The following DCC variants were observed in gnomAD, a reference collection of about 807,000 sequenced individuals.
The protein encoded by DCC is netrin receptor DCC.
A neutral mutation model predicts 172.5 loss-of-function variants in DCC; 58 were observed. That is an observed-to-expected ratio of 0.34 (90% CI 0.27 to 0.42). The LOEUF (loss-of-function observed/expected upper bound fraction) is 0.42. DCC is among the 10% of genes least tolerant of loss of function. DCC has a pLI of 1.00. For synonymous variants in DCC, 709 were observed against 644.5 expected, an observed-to-expected ratio of 1.10 and a Z score of -1.52; for missense variants, 1,740 against 1,791.0, an observed-to-expected ratio of 0.97 and a Z score of 0.51.
Position 53,116,040 on chromosome 18 carries a change from T to G in DCC, c.1262-41316T>G, listed in dbSNP as rs1185938519. On this transcript the variant is annotated intron_variant, in intron 7 of 28. Coordinates refer to ENST00000442544, the MANE Select transcript of DCC (RefSeq NM_005215.4). ...TTATGGGTCTGCCAAATCCTCATAA[T>G]GGGTTGAACGATCGTGACACACAAT... Among the ~76,000 whole-genome samples the G allele has an allele frequency of 2.0e-5, 3 of 151,602 alleles. No individual in the cohort carries two copies. In the East Asian group the frequency reaches 5.8e-4, roughly 30 times the overall value.
intron 12 of DCC, among the ~76,000 whole-genome samples, chr18:53,239,304 A>G (rs898385645): frequency 5.3e-5 from 8 of 151,850 alleles, no homozygotes; most frequent in African/African-American, 1.7e-4. Context: ...AGAAAAACCT[A>G]AAGAATAGAA....
intron 1 of DCC, among the ~76,000 whole-genome samples, chr18:52,586,460 CT>C (rs1480279548): frequency 6.6e-6 from 1 of 152,126 alleles, no homozygotes; most frequent in Non-Finnish European, 1.5e-5. Context: ...CAACTCCCTT[CT>C]TAGCCTGTTG....
At chr18:52,620,077 T>C (rs760461570) in intron 1 of DCC, among the ~76,000 whole-genome samples, 5 of 152,218 alleles carry the variant, frequency 3.3e-5, no homozygotes, top group Non-Finnish European at 7.3e-5. Flanking sequence ...GACAACCTCA[T>C]TGGTTTTCAG....
chr18:53,418,901 T>C (rs771292057), intron 21 of DCC, among the ~76,000 whole-genome samples: 2 of 152,204 alleles, frequency 1.3e-5, no homozygotes, highest in Non-Finnish European at 2.9e-5. Flanking sequence ...TGATGAAATA[T>C]AGCATTTTTA....
chr18:53,397,376 G>C lies in DCC; in HGVS notation c.2757G>C (p.Ser919=). 1.9e-6 allele frequency: 3 copies of C among 1,613,642 alleles called. No homozygotes were observed. Among genetic ancestry groups the C allele is most frequent in the Non-Finnish European group, 2.5e-6 (3 of 1,179,832 alleles). Residue 919 remains serine, a synonymous_variant, in exon 18 of 29, where the codon TCG becomes TCC. Coordinates refer to ENST00000442544, the MANE Select transcript of DCC (RefSeq NM_005215.4). ...GLKPNTMYEF[S]VMVTKNRRSS... is the part of the protein sequence containing the mutation. ...AACCAAACACAATGTATGAATTCTC[G>C]GTCATGGTAACAAAAAACAGAAGGT...
chr18:52,344,028 A>T (rs1381102141), intron 1 of DCC, among the ~76,000 whole-genome samples: 1 of 152,244 alleles, frequency 6.6e-6, no homozygotes, highest in South Asian at 2.1e-4. Flanking sequence ...CACATGTGTT[A>T]TATGTGAATA....
intron 12 of DCC, among the ~76,000 whole-genome samples, chr18:53,242,658 CACTGTCAA>C (rs1568386789): frequency 2.0e-5 from 3 of 152,138 alleles, no homozygotes; most frequent in African/African-American, 7.2e-5. Context: ...AATAGGATAC[CACTGTCAA>C]TGACAACCTG....
chr18:53,213,486 A>G (rs1018195173), intron 11 of DCC, among the ~76,000 whole-genome samples: 2 of 151,788 alleles, frequency 1.3e-5, no homozygotes, highest in African/African-American at 2.4e-5. Context: ...CGTCTCTACT[A>G]AAAGTGCAAA....
chr18:53,139,385 A>G (rs772776277), intron 7 of DCC, among the ~76,000 whole-genome samples: 1 of 152,204 alleles, frequency 6.6e-6, no homozygotes, highest in African/African-American at 2.4e-5. Flanking sequence ...ATTTGTCTTT[A>G]AAATGAGGAA....
chr18:52,737,064 T>C (rs538902590), intron 1 of DCC, among the ~76,000 whole-genome samples: 1 of 152,334 alleles, frequency 6.6e-6, no homozygotes, highest in East Asian at 1.9e-4. Flanking sequence ...TCAAGGGGAC[T>C]TGCTGTTTAT....
At chr18:52,965,714 C>A (rs553097796) in intron 5 of DCC, among the ~76,000 whole-genome samples, 3 of 152,252 alleles carry the variant, frequency 2.0e-5, no homozygotes, top group African/African-American at 7.2e-5. Context: ...CCCACACACA[C>A]ATTTTTACTG....
chr18:52,494,264 A>ATGTGTGTGTG (rs10633986), intron 1 of DCC, among the ~76,000 whole-genome samples: 26 of 147,536 alleles, frequency 1.8e-4, no homozygotes, highest in East Asian at 6.1e-4. Flanking sequence ...ATGGTTTGTG[A>ATGTGTGTGTG]TGTGTGTGTG....
At chr18:53,034,960 C>G (rs2042073363) in intron 5 of DCC, among the ~76,000 whole-genome samples, 1 of 152,228 alleles carries the variant, frequency 6.6e-6, no homozygotes, top group Admixed American at 6.5e-5. Context: ...GTCCTTCCCA[C>G]TTTCCTACAC....
intron 15 of DCC, among the ~76,000 whole-genome samples, chr18:53,383,682 A>G (rs1907935653): frequency 6.6e-6 from 1 of 151,554 alleles, no homozygotes; most frequent in African/African-American, 2.4e-5. Flanking sequence ...AGGTTTCCAG[A>G]CATTTTTTAG....
chr18:52,505,542 CACAT>C (rs2031201348), intron 1 of DCC, among the ~76,000 whole-genome samples: 2 of 152,188 alleles, frequency 1.3e-5, no homozygotes, highest in South Asian at 4.1e-4. Context: ...TATATATACA[CACAT>C]ACAATATCAG....
chr18:53,010,443 T>C (rs2041711137), intron 5 of DCC, among the ~76,000 whole-genome samples: 1 of 151,734 alleles, frequency 6.6e-6, no homozygotes, highest in South Asian at 2.1e-4. Context: ...GCCAGACTTC[T>C]TTGTCGAATA....
intron 1 of DCC, among the ~76,000 whole-genome samples, chr18:52,636,095 C>G (rs753656459): frequency 4.6e-5 from 7 of 152,130 alleles, no homozygotes; most frequent in Non-Finnish European, 1.0e-4. Context: ...AGCTGAAGTT[C>G]TGTTTGCCTG....
At chr18:53,339,485 A>G (rs182109357) in intron 14 of DCC, among the ~76,000 whole-genome samples, 2 of 152,338 alleles carry the variant, frequency 1.3e-5, no homozygotes, top group African/African-American at 4.8e-5. Flanking sequence ...GATGCTACCT[A>G]CCATGCCCAT....
At chr18:52,933,764 C>A (rs1055482311) in intron 5 of DCC, among the ~76,000 whole-genome samples, 3 of 152,054 alleles carry the variant, frequency 2.0e-5, no homozygotes, top group Non-Finnish European at 4.4e-5. Flanking sequence ...GCTACAAGTG[C>A]AGTTTTGTTA....
Sources: allele counts gnomAD v4.1 joint callset (sites outside exome capture counted in the v4.1 genomes callset), GRCh38; gene constraint gnomAD v4.1.1; transcripts MANE v1.5; gene names NCBI Gene and HGNC (gene_info 2026-07-23, HGNC 2026-07-21).